The following AKAP12 variants were observed in gnomAD, a reference collection of about 807,000 sequenced individuals.
The protein encoded by AKAP12 is A-kinase anchoring protein 12.
A neutral mutation model predicts 79.9 loss-of-function variants in AKAP12; 32 were observed. That is an observed-to-expected ratio of 0.40 (90% confidence interval 0.30 to 0.54). The LOEUF (loss-of-function observed/expected upper bound fraction) is 0.54. Among genes scored for constraint, AKAP12 ranks in the 20% least tolerant of loss-of-function variants. The pLI is 0.48. For synonymous variants in AKAP12, 808 were observed against 857.0 expected (o/e 0.94, Z 1.00); for missense variants, 2,074 against 2,177.0 (o/e 0.95, Z 0.94).
intron 3 of AKAP12, among the ~76,000 whole-genome samples, chr6:151,343,205 G>C (rs1239485943): frequency 1.3e-5 from 2 of 152,152 alleles, no homozygotes; most frequent in Admixed American, 1.3e-4. Flanking sequence ...AGGGAAAATA[G>C]TGAGGGGGAA....
intron 2 of AKAP12, among the ~76,000 whole-genome samples, chr6:151,283,627 T>G (rs1422316373): frequency 6.6e-6 from 1 of 152,206 alleles, no homozygotes. Flanking sequence ...AGCAGGCACC[T>G]AGAGGTGAAG....
chr6:151,325,543 C>G, intron 3 of AKAP12: 1 of 1,239,160 alleles, frequency 8.1e-7, no homozygotes, highest in Non-Finnish European at 1.0e-6. Flanking sequence ...GCGGCCCGGG[C>G]GGGGAAGTTT....
intron 3 of AKAP12, among the ~76,000 whole-genome samples, chr6:151,347,058 A>G (rs1226943501): frequency 3.3e-5 from 5 of 152,190 alleles, no homozygotes; most frequent in African/African-American, 9.6e-5. Context: ...TCGTGGTGAC[A>G]ATGCACACAT....
At chr6:151,345,937 G>C (rs1778090140) in intron 3 of AKAP12, among the ~76,000 whole-genome samples, 2 of 126,020 alleles carry the variant, frequency 1.6e-5, no homozygotes, top group Non-Finnish European at 3.3e-5. Context: ...GTGTGTGAGA[G>C]AGAGAGAGAG....
chr6:151,276,066 T>C (rs1486998081), intron 2 of AKAP12, among the ~76,000 whole-genome samples: 1 of 152,242 alleles, frequency 6.6e-6, no homozygotes, highest in African/African-American at 2.4e-5. Context: ...CTAACAGTTG[T>C]TGGTTAACAC....
intron 2 of AKAP12, among the ~76,000 whole-genome samples, chr6:151,285,430 A>G (rs1274659223): frequency 3.9e-5 from 5 of 129,770 alleles, no homozygotes; most frequent in African/African-American, 1.5e-4. Flanking sequence ...ATCTATTTCA[A>G]TCTACTGATT....
At chr6:151,337,512 G>GAAAAAAAAAAA (rs565900855) in intron 3 of AKAP12, among the ~76,000 whole-genome samples, 1 of 101,854 alleles carries the variant, frequency 9.8e-6, no homozygotes, top group Admixed American at 1.0e-4. Flanking sequence ...TTTCCGTCTC[G>GAAAAAAAAAAA]AAAAAAAAAA....
chr6:151,258,186 TA>T (rs1460729915), intron 2 of AKAP12, among the ~76,000 whole-genome samples: 1 of 152,150 alleles, frequency 6.6e-6, no homozygotes, highest in Non-Finnish European at 1.5e-5. Flanking sequence ...ATACTGGAGG[TA>T]TTGTAACTGT....
chr6:151,326,489 T>TAAAAAA (rs746340831), intron 3 of AKAP12, among the ~76,000 whole-genome samples: 1 of 80,316 alleles, frequency 1.2e-5, no homozygotes, highest in Non-Finnish European at 2.6e-5. Context: ...CAACAAATAG[T>TAAAAAA]AAAAAAAAAA....
chr6:151,344,778 C>A (rs1256211070), intron 3 of AKAP12, among the ~76,000 whole-genome samples: 1 of 152,136 alleles, frequency 6.6e-6, no homozygotes, highest in East Asian at 1.9e-4. Flanking sequence ...AAATGATCCA[C>A]CTGCCTGGAC....
intron 2 of AKAP12, among the ~76,000 whole-genome samples, chr6:151,291,098 A>T (rs1290541114): frequency 6.6e-6 from 1 of 152,022 alleles, no homozygotes; most frequent in African/African-American, 2.4e-5. Flanking sequence ...AGATCACCTC[A>T]TCCAGTGTCC....
intron 2 of AKAP12, among the ~76,000 whole-genome samples, chr6:151,250,614 T>C (rs1797154752): frequency 1.3e-5 from 2 of 150,822 alleles, no homozygotes; most frequent in Non-Finnish European, 1.5e-5. Context: ...ATATTTTCCT[T>C]TTTTTTTTTG....
chr6:151,242,416 T>G (rs1259229632), intron 2 of AKAP12, among the ~76,000 whole-genome samples: 7 of 152,170 alleles, frequency 4.6e-5, no homozygotes, highest in Non-Finnish European at 8.8e-5. Flanking sequence ...CCAAACAACC[T>G]CCTTTTAAAA....
At chr6:151,327,978 AATC>A (rs1448463639) in intron 3 of AKAP12, among the ~76,000 whole-genome samples, 1 of 152,218 alleles carries the variant, frequency 6.6e-6, no homozygotes, top group African/African-American at 2.4e-5. Flanking sequence ...GAAGATTCAT[AATC>A]ATCATCTTTA....
At chr6:151,324,726 ACCTAACGGACCCAC>A (rs1479721666) in intron 3 of AKAP12, 2 of 985,308 alleles carry the variant, frequency 2.0e-6, no homozygotes, top group African/African-American at 1.7e-5. Flanking sequence ...AACCCAGGGG[ACCTAACGGACCCAC>A]CCTAACAAAA....
chr6:151,326,843 A>G (rs996792174), intron 3 of AKAP12, among the ~76,000 whole-genome samples: 1 of 151,732 alleles, frequency 6.6e-6, no homozygotes, highest in African/African-American at 2.4e-5. Context: ...TTTGAGATGG[A>G]GTCTTGCTCT....
At chr6:151,326,503 A>AAG (rs201771786) in intron 3 of AKAP12, among the ~76,000 whole-genome samples, 32,350 of 149,188 alleles carry the variant, frequency 0.22, 3,788 homozygotes, top group East Asian at 0.44. Context: ...AAAAAAAAAA[A>AAG]AAAGAAAAAA....
At chr6:151,348,681 C>CCG in intron 3 of AKAP12, 30 bp from the exon 4 acceptor site, 3 of 218,348 alleles carry the variant, frequency 1.4e-5, no homozygotes, top group Non-Finnish European at 2.7e-5. Flanking sequence ...TTTCTCTTCT[C>CCG]CCCACCCCCC....
At chr6:151,276,618 G>C (rs80277612) in intron 2 of AKAP12, among the ~76,000 whole-genome samples, 1 of 152,216 alleles carries the variant, frequency 6.6e-6, no homozygotes, top group East Asian at 1.9e-4. Flanking sequence ...CCCAGTGGAC[G>C]GAGCCTCCCT....
Sources: allele counts gnomAD v4.1 joint callset (sites outside exome capture counted in the v4.1 genomes callset), GRCh38; gene constraint gnomAD v4.1.1; transcripts MANE v1.5; gene names NCBI Gene and HGNC (gene_info 2026-07-23, HGNC 2026-07-21).